The following ZEB1 variants were observed in gnomAD, a reference collection of about 807,000 sequenced individuals.
The protein encoded by ZEB1 is zinc finger E-box binding homeobox 1.
ZEB1 carries 21 observed loss-of-function variants against 84.9 expected under a neutral mutation model. The observed-to-expected ratio is 0.25, with a 90% CI of 0.18 to 0.36. The LOEUF (loss-of-function observed/expected upper bound fraction) is 0.36. Ranked by LOEUF, ZEB1 falls within the 10% of genes least tolerant of loss-of-function variation. ZEB1 has a pLI of 1.00. For missense variants in ZEB1, 1,104 were observed against 1,330.2 expected, an observed-to-expected ratio of 0.83 and a Z score of 2.65; for synonymous variants, 420 against 471.1, an observed-to-expected ratio of 0.89 and a Z score of 1.41.
At chr10:31,372,238 A>G (rs2045848818) in intron 1 of ZEB1, among the ~76,000 whole-genome samples, 1 of 152,080 alleles carries the variant, frequency 6.6e-6, no homozygotes, top group African/African-American at 2.4e-5. Flanking sequence ...ATTTTTGCTA[A>G]AGACTTAAAT....
In ZEB1 at chr10:31,378,587, T is replaced by C. The variant is rs74127720; in HGVS notation, c.58+59295T>C. 2.2e-3 allele frequency among the ~76,000 whole-genome samples: 336 copies of C among 151,800 alleles called. 2 individuals are homozygous for C. The highest frequency in any genetic ancestry group is 7.4e-3 in the African/African-American group (307 of 41,492). ...TATTAAATATTAACATGCAATGATA[T>C]GAAAGAAGACAAGTTTATAAGAAAA... is the stretch of plus-strand genomic sequence containing the variant. On this transcript the variant is annotated intron_variant, in intron 1 of 8. Coordinates refer to ENST00000424869, the MANE Select transcript of ZEB1 (RefSeq NM_001174096.2).
chr10:31,503,119 G>A (rs564764572), intron 4 of ZEB1, among the ~76,000 whole-genome samples: 24 of 152,186 alleles, frequency 1.6e-4, no homozygotes, highest in East Asian at 1.5e-3. Flanking sequence ...GTATATTTAC[G>A]TAAAATTTTT....
At chr10:31,466,593 G>A (rs1179304284) in intron 2 of ZEB1, among the ~76,000 whole-genome samples, 1 of 152,022 alleles carries the variant, frequency 6.6e-6, no homozygotes, top group Non-Finnish European at 1.5e-5. Flanking sequence ...ACCAAAACAT[G>A]GAATGCAGCA....
Position 31,521,934 on chromosome 10 carries a change from C to G in ZEB1, c.2602C>G (p.Gln868Glu), listed in dbSNP as rs2072501106. The G allele has an allele frequency of 1.2e-6, 2 of 1,613,842 alleles. No individual in the cohort carries two copies. The highest frequency in any genetic ancestry group is 1.3e-5 in the African/African-American group (1 of 74,902). Residue 868 changes from glutamine (Q) to glutamate (E), a missense_variant and splice_region_variant, in exon 7 of 9, where the codon CAG becomes GAG. By Grantham distance (29) the Gln-to-Glu change is conservative. Coordinates refer to ENST00000424869, the MANE Select transcript of ZEB1 (RefSeq NM_001174096.2). ...GAAAGTGATCCAGCCAAATGGAAAT[C>G]AGGTAAAAAATAACCTCCATCCTGA... is the stretch of plus-strand genomic sequence containing the variant. Reference protein sequence around the residue: ...PLKVIQPNGNQDERQDTSSEG... With the variant: ...PLKVIQPNGNEDERQDTSSEG...
chr10:31,475,809 G>C (rs1024448203), intron 2 of ZEB1, among the ~76,000 whole-genome samples: 7 of 151,946 alleles, frequency 4.6e-5, no homozygotes, highest in African/African-American at 1.7e-4. Context: ...GCAATGAAAG[G>C]ATAATACTCA....
At chr10:31,456,032 A>G (rs937933092) in intron 1 of ZEB1, among the ~76,000 whole-genome samples, 1 of 152,244 alleles carries the variant, frequency 6.6e-6, no homozygotes, top group Non-Finnish European at 1.5e-5. Flanking sequence ...AATAGACTGG[A>G]TAAAGAAAAT....
At position 31,527,748 on chromosome 10, in the gene ZEB1, A is replaced by T. The variant is rs2073757900; in HGVS notation, c.*484A>T. On this transcript the variant is annotated 3_prime_UTR_variant, in exon 9 of 9. Transcript: ENST00000424869. The stretch of plus-strand genomic sequence containing the variant: ...GCTTCAGTATTTTATTATGTTTTTT[A>T]AAATGTGAGAACTTCTGCACTACAA... 1 of 162,866 alleles carries T rather than the reference A, an allele frequency of 6.1e-6. No individual in the cohort carries two copies. Among genetic ancestry groups the T allele is most frequent in the African/African-American group, 2.4e-5 (1 of 41,490 alleles). 10.1% of individuals were successfully genotyped at this position (162,866 alleles called of 1,614,324 possible). A position where few individuals can be genotyped will look rare whatever the true frequency, so the allele number is the denominator to read the frequency against.
At chr10:31,503,923 T>A (rs2068518577) in intron 4 of ZEB1, among the ~76,000 whole-genome samples, 2 of 150,624 alleles carry the variant, frequency 1.3e-5, no homozygotes, top group Non-Finnish European at 2.9e-5. Flanking sequence ...TTGGGTTTTT[T>A]AAATCTGTTG....
chr10:31,521,879 G>T lies in ZEB1; in HGVS notation c.2547G>T (p.Thr849=). The part of the protein sequence containing the change: ...IPQVAYTYST[T]VSPAVQEPPL... ...AGGTGGCATACACCTACTCAACTAC[G>T]GTCAGCCCTGCAGTCCAAGAACCAC... Residue 849 remains threonine (T), a synonymous_variant, in exon 7 of 9, where the codon ACG becomes ACT. Transcript: ENST00000424869. 1.9e-6 allele frequency: 3 copies of T among 1,613,924 alleles called. No homozygotes were observed. In the East Asian group the frequency reaches 6.7e-5, roughly 36 times the overall value.
At position 31,461,171 on chromosome 10, in the gene ZEB1, C is replaced by A. The variant is rs765467681; in HGVS notation, c.193C>A (p.Gln65Lys). The part of the protein sequence containing the change: ...GVPEDDLPTD[Q>K]TVLPGRSSER... ...ACCAGAGGATGACCTGCCAACAGAC[C>A]AGACAGTGTTACCAGGGAGGAGCAG... The change falls in exon 2 of 9, where the codon CAG (glutamine) becomes AAG (lysine). Residue 65 changes from glutamine (Q) to lysine (K), a missense_variant. By Grantham distance (53) the Gln-to-Lys change is moderately conservative. Coordinates refer to ENST00000424869, the MANE Select transcript of ZEB1 (RefSeq NM_001174096.2). 1 of 1,613,442 alleles carries A rather than the reference C, an allele frequency of 6.2e-7. No homozygotes were observed. The highest frequency in any genetic ancestry group is 1.7e-5 in the Admixed American group (1 of 59,854).
intron 1 of ZEB1, among the ~76,000 whole-genome samples, chr10:31,385,025 AAGTG>A (rs1356252212): frequency 2.9e-4 from 43 of 150,208 alleles, no homozygotes; most frequent in African/African-American, 1.1e-3. Context: ...TTTTTAAATT[AAGTG>A]AGTTTTTGTG....
At position 31,521,948 on chromosome 10, in the gene ZEB1, C is replaced by A. The variant is rs1165179509; in HGVS notation, c.2604+12C>A. The A allele has an allele frequency of 1.9e-6, 3 of 1,613,800 alleles. No homozygotes were observed. Among genetic ancestry groups the A allele is most frequent in the African/African-American group, 2.7e-5 (2 of 74,886 alleles). The stretch of plus-strand genomic sequence containing the variant: ...CAAATGGAAATCAGGTAAAAAATAA[C>A]CTCCATCCTGAACCTGGCTAGTAAT... On this transcript the variant is annotated intron_variant, in intron 7 of 8. Transcript: ENST00000424869.
intron 1 of ZEB1, among the ~76,000 whole-genome samples, chr10:31,370,870 A>C (rs1344186143): frequency 6.6e-6 from 1 of 152,046 alleles, no homozygotes; most frequent in East Asian, 1.9e-4. Flanking sequence ...TGTGGTGTTA[A>C]ATTCTAAGAC....
At chr10:31,359,383 G>A (rs1213003604) in intron 1 of ZEB1, among the ~76,000 whole-genome samples, 1 of 151,752 alleles carries the variant, frequency 6.6e-6, no homozygotes, top group East Asian at 1.9e-4. Context: ...GGAAAGAGAG[G>A]GAAAGAAGAA....
chr10:31,503,000 A>C (rs766447078), intron 4 of ZEB1, among the ~76,000 whole-genome samples: 19 of 152,196 alleles, frequency 1.2e-4, no homozygotes, highest in Non-Finnish European at 2.4e-4. Context: ...TCTCCTGAGA[A>C]GAAATAGGCT....
rs143670867 is a variant in ZEB1, at chr10:31,333,557, T to C, written c.58+14265T>C. ...ATTTCTAAGATAAGGAATAAAAATC[T>C]AGAAGGTATGTGTACCTTACAAACT... On this transcript the variant is annotated intron_variant, in intron 1 of 8. Coordinates refer to ENST00000424869, the MANE Select transcript of ZEB1 (RefSeq NM_001174096.2). Among the ~76,000 whole-genome samples the C allele has an allele frequency of 1.9e-3, 286 of 152,044 alleles. 3 individuals carry two copies. The highest frequency in any genetic ancestry group is 0.017 in the Middle Eastern group (5 of 294).
chr10:31,424,908 A>C (rs1206219634), intron 1 of ZEB1, among the ~76,000 whole-genome samples: 1 of 152,076 alleles, frequency 6.6e-6, no homozygotes, highest in African/African-American at 2.4e-5. Context: ...ACAGGCTATA[A>C]ACAAAACAGT....
At position 31,527,450 on chromosome 10, in the gene ZEB1, C is replaced by G; in HGVS notation, c.*186C>G. Reference sequence around the variant, plus strand: ...ACACACACACACACACACACACACACACAAAATAAATCCGGGTGTGCCTGA... The same window carrying G: ...ACACACACACACACACACACACACAGACAAAATAAATCCGGGTGTGCCTGA... On this transcript the variant is annotated 3_prime_UTR_variant, in exon 9 of 9. Coordinates refer to ENST00000424869, the MANE Select transcript of ZEB1 (RefSeq NM_001174096.2). The G allele has an allele frequency of 1.4e-6, 1 of 695,126 alleles. No individual in the cohort carries two copies. The highest frequency in any genetic ancestry group is 3.1e-5 in the Admixed American group (1 of 32,416). 43.1% of individuals were successfully genotyped at this position (695,126 alleles called of 1,614,324 possible). A position where few individuals can be genotyped will look rare whatever the true frequency, so the allele number is the denominator to read the frequency against.
At position 31,521,180 on chromosome 10, in the gene ZEB1, T is replaced by A; in HGVS notation, c.1848T>A (p.Ala616=). The A allele has an allele frequency of 6.2e-7, 1 of 1,614,080 alleles. No homozygotes were observed. The highest frequency in any genetic ancestry group is 1.1e-5 in the South Asian group (1 of 91,080). ...GTGCAGAAGAGCTCTCAAAAATTGCTGATTCAGTAAACCTACCACTGGATG... is the reference window on the plus strand; with the variant it reads ...GTGCAGAAGAGCTCTCAAAAATTGCAGATTCAGTAAACCTACCACTGGATG... ...QPSAEELSKI[A]DSVNLPLDVV... The change falls in exon 7 of 9, where the codon GCT becomes GCA. Residue 616 remains alanine, a synonymous_variant. Coordinates refer to ENST00000424869, the MANE Select transcript of ZEB1 (RefSeq NM_001174096.2).
Sources: allele counts gnomAD v4.1 joint callset (sites outside exome capture counted in the v4.1 genomes callset), GRCh38; gene constraint gnomAD v4.1.1; transcripts MANE v1.5; gene names NCBI Gene and HGNC (gene_info 2026-07-23, HGNC 2026-07-21).